NTRK1: variants seen among roughly 807,000 people sequenced by gnomAD.
NTRK1 encodes high affinity nerve growth factor receptor.
In NTRK1, 62 loss-of-function variants were observed where a neutral mutation model predicts 86.8. That is an observed-to-expected ratio of 0.71 (90% CI 0.58 to 0.88). The LOEUF is 0.88. Ranked by LOEUF, NTRK1 falls within the 40% of genes least tolerant of loss-of-function variation. The pLI is 0.00. For missense variants in NTRK1, 967 were observed against 1,078.4 expected (o/e 0.90, Z 1.45); for synonymous variants, 469 against 456.6 (o/e 1.03, Z -0.35).
intron 1 of NTRK1, among the ~76,000 whole-genome samples, chr1:156,832,908 CTTGT>C (rs1450323602): frequency 1.3e-5 from 2 of 152,232 alleles, no homozygotes; most frequent in Admixed American, 6.5e-5. Context: ...AGGGCAGGGG[CTTGT>C]TATTGCCCAT....
chr1:156,830,587 C>T (rs1191773156), intron 1 of NTRK1, among the ~76,000 whole-genome samples: 34 of 136,352 alleles, frequency 2.5e-4, no homozygotes, highest in African/African-American at 7.4e-4. Flanking sequence ...GACAGAGTCT[C>T]GCTCTGTTAC....
In NTRK1 at chr1:156,821,425, A is replaced by AC. The variant is rs896983489; in HGVS notation, c.-64+5593dup. ...AGTGGTGTAGGCTGGTGCTACGGGA[A>AC]CCCCCCTCAGAGGCCCCCTAATTTA... On this transcript the variant is annotated intron_variant, in intron 1 of 16. Transcript: ENST00000392302. 1.9e-4 allele frequency among the ~76,000 whole-genome samples: 27 copies of AC among 142,532 alleles called. 1 individual carries two copies. Among genetic ancestry groups the AC allele is most frequent in the Admixed American group, 1.4e-3 (20 of 14,152 alleles). 93.5% of individuals were successfully genotyped at this position (142,532 alleles called of 152,430 possible). A position where few individuals can be genotyped will look rare whatever the true frequency, so the allele number is the denominator to read the frequency against.
At chr1:156,824,230 G>T (rs1654263473) in intron 1 of NTRK1, among the ~76,000 whole-genome samples, 1 of 151,698 alleles carries the variant, frequency 6.6e-6, no homozygotes, top group Non-Finnish European at 1.5e-5. Context: ...AGTGCAAAGT[G>T]ACCAGCTATA....
chr1:156,871,407 T>TAA (rs547351773), intron 6 of NTRK1, among the ~76,000 whole-genome samples: 1 of 148,476 alleles, frequency 6.7e-6, no homozygotes, highest in African/African-American at 2.5e-5. Flanking sequence ...AAACATAAAA[T>TAA]AAAAAAAAAA....
chr1:156,819,610 C>G (rs867173542), intron 1 of NTRK1, among the ~76,000 whole-genome samples: 28 of 151,994 alleles, frequency 1.8e-4, no homozygotes, highest in African/African-American at 6.8e-4. Flanking sequence ...ACCTCCGCCT[C>G]TCAGGTTCAA....
chr1:156,842,438 TC>T, intron 2 of NTRK1: 2 of 1,613,822 alleles, frequency 1.2e-6, no homozygotes, highest in Non-Finnish European at 1.7e-6. Context: ...GCTCTTGAGG[TC>T]CCCACGGGTC....
chr1:156,879,156 G>C lies in NTRK1; in HGVS notation c.1840G>C (p.Gly614Arg), dbSNP rs752303989. The change falls in exon 15 of 17, where the codon GGG becomes CGG. Residue 614 changes from glycine to arginine, a missense_variant. By Grantham distance (125) the Gly-to-Arg change is moderately radical. Coordinates refer to ENST00000524377, the MANE Select transcript of NTRK1 (RefSeq NM_002529.4). ...HGPDAKLLAGGEDVAPGPLGL... is the reference protein window; with the variant it reads ...HGPDAKLLAGREDVAPGPLGL... Reference sequence around the variant, plus strand: ...ACCTGATGCCAAGCTGCTGGCTGGTGGGGAGGATGTGGCTCCAGGCCCCCT... The same window carrying C: ...ACCTGATGCCAAGCTGCTGGCTGGTCGGGAGGATGTGGCTCCAGGCCCCCT... 1 of 1,613,854 alleles carries C rather than the reference G, an allele frequency of 6.2e-7. No homozygotes were observed. The highest frequency in any genetic ancestry group is 1.1e-5 in the South Asian group (1 of 91,044).
At chr1:156,829,840 T>G (rs890335389) in intron 1 of NTRK1, among the ~76,000 whole-genome samples, 2 of 152,074 alleles carry the variant, frequency 1.3e-5, no homozygotes, top group African/African-American at 2.4e-5. Flanking sequence ...TTAGTAGAGA[T>G]GGGGGTTTCA....
intron 2 of NTRK1, chr1:156,845,122 C>A: frequency 6.2e-7 from 1 of 1,611,554 alleles, no homozygotes; most frequent in Non-Finnish European, 8.5e-7. Flanking sequence ...CGCTGCAGCC[C>A]ACGGTGTGCG....
upstream of NTRK1, chr1:156,858,462 T>C: frequency 9.0e-7 from 1 of 1,106,492 alleles, no homozygotes. Context: ...GTGCTGTGGC[T>C]GCAAGCTCAG....
chr1:156,855,929 G>A (rs1184956569), upstream of NTRK1, among the ~76,000 whole-genome samples: 3 of 151,960 alleles, frequency 2.0e-5, no homozygotes, highest in Admixed American at 1.3e-4. Flanking sequence ...GTGTGTGTGT[G>A]TGTGTGTGTT....
intron 2 of NTRK1, among the ~76,000 whole-genome samples, chr1:156,843,835 A>G (rs1419979787): frequency 6.6e-6 from 1 of 152,174 alleles, no homozygotes; most frequent in Non-Finnish European, 1.5e-5. Flanking sequence ...TTCTTCTCCT[A>G]ATAAGGGACA....
At chr1:156,866,619 G>T (rs1571687501) in intron 3 of NTRK1, among the ~76,000 whole-genome samples, 1 of 152,170 alleles carries the variant, frequency 6.6e-6, no homozygotes. Context: ...CCAAAGCAGT[G>T]GGGGAGGGAG....
intron 1 of NTRK1, chr1:156,816,536 C>T: frequency 2.8e-6 from 2 of 721,566 alleles, no homozygotes; most frequent in Non-Finnish European, 2.3e-6. Context: ...TTGTGGTCAC[C>T]CTGCCAATCA....
At chr1:156,816,084 T>C in intron 1 of NTRK1, 1 of 1,613,456 alleles carries the variant, frequency 6.2e-7, no homozygotes, top group Non-Finnish European at 8.5e-7. Flanking sequence ...GGATGGGGGC[T>C]TCGTGACTCC....
intron 2 of NTRK1, chr1:156,844,587 G>T (rs773054027): frequency 1.4e-5 from 22 of 1,614,026 alleles, no homozygotes; most frequent in East Asian, 4.5e-5. Context: ...CCCAAACTTC[G>T]CATATCGAAG....
chr1:156,816,653 T>C (rs1229238730), intron 1 of NTRK1: 3 of 1,599,496 alleles, frequency 1.9e-6, no homozygotes, highest in Admixed American at 1.7e-5. Context: ...CTCCCACCCA[T>C]ATCCTTCAAC....
chr1:156,868,421 G>A (rs777578266), intron 5 of NTRK1, 84 bp from the exon 6 acceptor site: 6 of 1,544,322 alleles, frequency 3.9e-6, no homozygotes, highest in Non-Finnish European at 5.2e-6. Flanking sequence ...GAGGAGGGTG[G>A]GGGAAGGAGC....
chr1:156,826,927 C>T, intron 1 of NTRK1, among the ~76,000 whole-genome samples: 1 of 152,198 alleles, frequency 6.6e-6, no homozygotes, highest in Non-Finnish European at 1.5e-5. Flanking sequence ...AGAGCCAAAG[C>T]ATTACTTTAT....
Sources: allele counts gnomAD v4.1 joint callset (sites outside exome capture counted in the v4.1 genomes callset), GRCh38; gene constraint gnomAD v4.1.1; transcripts MANE v1.5; gene names NCBI Gene and HGNC (gene_info 2026-07-23, HGNC 2026-07-21).